ZNF131: variants seen among roughly 807,000 people sequenced by gnomAD.
ZNF131 encodes zinc finger and BTB domain containing 35, also known as zinc finger protein 131.
Under a neutral mutation model 60.0 loss-of-function variants are expected in ZNF131, and 7 were observed. The observed-to-expected ratio is 0.12, with a 90% CI of 0.07 to 0.22. ZNF131 has a LOEUF of 0.22. Among genes scored for constraint, ZNF131 ranks in the 10% least tolerant of loss-of-function variants. The pLI is 1.00. For synonymous variants in ZNF131, 257 were observed against 253.2 expected, an observed-to-expected ratio of 1.01 and a Z score of -0.14; for missense variants, 493 against 740.9, an observed-to-expected ratio of 0.67 and a Z score of 3.88.
chr5:43,151,495 C>A lies in ZNF131; in HGVS notation c.372-9754C>A, dbSNP rs567273178. Among the ~76,000 whole-genome samples the A allele has an allele frequency of 2.0e-5, 3 of 152,020 alleles. No individual in the cohort carries two copies. The East Asian group carries it at 5.8e-4, about 29-fold the overall frequency. ...CTGTGCCCAGGCTGGAGTGCAGTGA[C>A]GCAATCTCAGTTCGCTGCAACCTCT... On this transcript the variant is annotated intron_variant, in intron 4 of 6. Transcript: ENST00000682664.
intron 4 of ZNF131, among the ~76,000 whole-genome samples, chr5:43,156,897 A>T (rs1749033723): frequency 6.6e-6 from 1 of 152,062 alleles, no homozygotes; most frequent in East Asian, 1.9e-4. Context: ...AAAAAAAATT[A>T]CACCTTAATT....
rs373941005 is a variant in ZNF131, at chr5:43,136,464, A to G, written c.227-2701A>G. ...ATCAATCTTGAAAAAGAACAAAGCT[A>G]GAGGCATCATACTTTTTTTTTTTTT... On this transcript the variant is annotated intron_variant, in intron 3 of 6. Coordinates refer to ENST00000682664, the MANE Select transcript of ZNF131 (RefSeq NM_001330707.2). Among the ~76,000 whole-genome samples the G allele has an allele frequency of 6.3e-5, 9 of 142,684 alleles. No individual in the cohort carries two copies. In the East Asian group the frequency reaches 1.1e-3, roughly 17 times the overall value. 93.6% of individuals were successfully genotyped at this position (142,684 alleles called of 152,430 possible).
At chr5:43,138,900 A>T (rs1309274749) in intron 3 of ZNF131, among the ~76,000 whole-genome samples, 1 of 152,190 alleles carries the variant, frequency 6.6e-6, no homozygotes, top group African/African-American at 2.4e-5. Context: ...TCTGACATGT[A>T]ATAGCCAATT....
intron 4 of ZNF131, among the ~76,000 whole-genome samples, chr5:43,145,452 A>C (rs1747460868): frequency 6.6e-6 from 1 of 152,176 alleles, no homozygotes. Flanking sequence ...CAGGAGTTTG[A>C]GACCAGCCTG....
intron 3 of ZNF131, chr5:43,123,905 A>G (rs1169885184): frequency 6.6e-6 from 1 of 152,242 alleles, no homozygotes; most frequent in East Asian, 1.9e-4. Context: ...TTTTCTAATA[A>G]TAACCTGCCA....
At chr5:43,135,006 A>AT (rs1380552089) in intron 3 of ZNF131, among the ~76,000 whole-genome samples, 28 of 126,514 alleles carry the variant, frequency 2.2e-4, no homozygotes, top group South Asian at 7.6e-4. Flanking sequence ...CATCAGTTAC[A>AT]TTTTTTTTTG....
intron 5 of ZNF131, among the ~76,000 whole-genome samples, chr5:43,162,928 A>AG (rs758626773): frequency 7.6e-6 from 1 of 131,762 alleles, no homozygotes; most frequent in Non-Finnish European, 1.7e-5. Flanking sequence ...AAAAAAAAAA[A>AG]GCAATCCCTG....
chr5:43,151,244 A>G (rs1017909521), intron 4 of ZNF131, among the ~76,000 whole-genome samples: 3 of 152,190 alleles, frequency 2.0e-5, no homozygotes, highest in Admixed American at 6.5e-5. Flanking sequence ...GATTACTCCT[A>G]TTAGGGAAAA....
intron 3 of ZNF131, chr5:43,124,754 A>C (rs1744294880): frequency 6.6e-6 from 1 of 152,212 alleles, no homozygotes. Flanking sequence ...TAGGATTATA[A>C]AGACTAATTG....
At chr5:43,141,340 A>T (rs1746797791) in intron 4 of ZNF131, among the ~76,000 whole-genome samples, 2 of 152,138 alleles carry the variant, frequency 1.3e-5, no homozygotes, top group African/African-American at 4.8e-5. Flanking sequence ...AAAAAGATTA[A>T]AGGAAATATA....
chr5:43,127,912 C>G (rs1326027647), intron 3 of ZNF131, among the ~76,000 whole-genome samples: 1 of 152,232 alleles, frequency 6.6e-6, no homozygotes, highest in East Asian at 1.9e-4. Context: ...CACTTAGTTT[C>G]TCTGTAACAG....
chr5:43,132,037 G>T (rs541140360), intron 3 of ZNF131, among the ~76,000 whole-genome samples: 44 of 152,292 alleles, frequency 2.9e-4, no homozygotes, highest in South Asian at 2.1e-3. Context: ...TGCTTGTAAA[G>T]TATTTAGAGC....
intron 5 of ZNF131, among the ~76,000 whole-genome samples, chr5:43,172,652 C>G (rs967263537): frequency 6.6e-6 from 1 of 151,120 alleles, no homozygotes; most frequent in African/African-American, 2.4e-5. Context: ...ATATATAAAT[C>G]ACCCTCTATT....
intron 4 of ZNF131, among the ~76,000 whole-genome samples, chr5:43,143,972 G>A (rs1258903259): frequency 1.6e-5 from 2 of 124,348 alleles, no homozygotes; most frequent in African/African-American, 6.1e-5. Context: ...CCCAAGACTG[G>A]AATGCAGTGG....
intron 5 of ZNF131, among the ~76,000 whole-genome samples, chr5:43,170,160 T>TA (rs1750804675): frequency 6.7e-6 from 1 of 150,214 alleles, no homozygotes; most frequent in South Asian, 2.1e-4. Flanking sequence ...TATTCATTGA[T>TA]AAAACCACTA....
At chr5:43,172,506 C>T (rs947139016) in intron 5 of ZNF131, among the ~76,000 whole-genome samples, 1 of 152,014 alleles carries the variant, frequency 6.6e-6, no homozygotes, top group Non-Finnish European at 1.5e-5. Context: ...CATTTGATCC[C>T]AGCTACTCGG....
intron 3 of ZNF131, among the ~76,000 whole-genome samples, chr5:43,132,360 A>G (rs932381715): frequency 2.6e-5 from 4 of 152,094 alleles, no homozygotes; most frequent in East Asian, 1.9e-4. Context: ...TTTATATTTT[A>G]TGGTGTTTCT....
At chr5:43,135,748 T>C (rs1746002891) in intron 3 of ZNF131, among the ~76,000 whole-genome samples, 1 of 152,004 alleles carries the variant, frequency 6.6e-6, no homozygotes, top group South Asian at 2.1e-4. Context: ...CTAAAGACAC[T>C]CAATAGATCT....
chr5:43,159,588 A>G (rs1304678080), intron 4 of ZNF131, among the ~76,000 whole-genome samples: 5 of 151,012 alleles, frequency 3.3e-5, no homozygotes, highest in East Asian at 2.0e-4. Context: ...CCAGCTACTC[A>G]GGAGGCTGAG....
Sources: gnomAD v4.1 joint callset for allele counts (sites outside exome capture counted in the v4.1 genomes callset) on GRCh38, gnomAD v4.1.1 for gene constraint, MANE v1.5 for transcripts, NCBI Gene and HGNC (gene_info 2026-07-23, HGNC 2026-07-21) for gene names.